The following CHD6 variants were observed in gnomAD, a reference collection of about 807,000 sequenced individuals.
CHD6 encodes the protein chromodomain helicase DNA binding protein 6.
CHD6 carries 50 observed loss-of-function variants against 276.9 expected under a neutral mutation model. The observed-to-expected ratio is 0.18, with a 90% confidence interval of 0.14 to 0.23. The LOEUF (loss-of-function observed/expected upper bound fraction) is 0.23, where lower values mean the gene tolerates loss of function less well. CHD6 is among the 10% of genes least tolerant of loss of function. The probability of loss-of-function intolerance (pLI) is 1.00; values close to 1 mark genes in which losing one functional copy is unlikely to be tolerated. For missense variants in CHD6, 2,564 were observed against 3,365.8 expected (o/e 0.76, Z 5.89); for synonymous variants, 1,173 against 1,229.3 (o/e 0.95, Z 0.96).
In CHD6 at chr20:41,437,265, T is replaced by C; in HGVS notation, c.4068+9A>G. The C allele has an allele frequency of 1.2e-6, 2 of 1,606,964 alleles. No individual in the cohort carries two copies. Among genetic ancestry groups the C allele is most frequent in the Non-Finnish European group, 1.7e-6 (2 of 1,173,518 alleles). On this transcript the variant is annotated intron_variant, in intron 27 of 36. Coordinates refer to ENST00000373233, the MANE Select transcript of CHD6 (RefSeq NM_032221.5). ...GGTGTAAATGACCAATACTGCACAT[T>C]TGACTCACCGTTTGTTTCTGGAGGC...
At chr20:41,485,673 T>C (rs1346403709) in intron 14 of CHD6, 1 of 150,120 alleles carries the variant, frequency 6.7e-6, no homozygotes, top group Non-Finnish European at 1.5e-5. Context: ...ATTAGAGTAG[T>C]GGTTACCAGG....
chr20:41,460,314 A>G (rs979658233), intron 17 of CHD6, among the ~76,000 whole-genome samples: 2 of 152,256 alleles, frequency 1.3e-5, no homozygotes, highest in African/African-American at 4.8e-5. Context: ...GAGAAATTCA[A>G]GCTGGCTACA....
At chr20:41,517,160 T>C (rs931555316) in intron 3 of CHD6, among the ~76,000 whole-genome samples, 6 of 152,122 alleles carry the variant, frequency 3.9e-5, no homozygotes, top group Non-Finnish European at 8.8e-5. Context: ...TGAAAGCTAT[T>C]TGCAAACTAA....
At chr20:41,555,680 C>T (rs1462826171) in intron 1 of CHD6, among the ~76,000 whole-genome samples, 16 of 151,692 alleles carry the variant, frequency 1.1e-4, no homozygotes, top group Admixed American at 6.6e-4. Context: ...GCGCTCCCCA[C>T]ATCTCAGACG....
chr20:41,518,428 A>C (rs969250618), intron 3 of CHD6, among the ~76,000 whole-genome samples: 1 of 152,300 alleles, frequency 6.6e-6, no homozygotes, highest in Middle Eastern at 3.4e-3. Flanking sequence ...ACTTGTGTGC[A>C]TTTTGAGCAA....
intron 26 of CHD6, 69 bp from the exon 27 acceptor site, chr20:41,437,403 G>C: frequency 9.3e-7 from 1 of 1,070,910 alleles, no homozygotes; most frequent in Non-Finnish European, 1.4e-6. Flanking sequence ...CAGTTACCCT[G>C]GTCAACCACA....
rs1283575154 is a variant in CHD6 at position 41,422,023 on chromosome 20, T to A, written c.4612A>T (p.Thr1538Ser). 1 of 1,613,998 alleles carries A rather than the reference T, an allele frequency of 6.2e-7. No individual in the cohort carries two copies. Among genetic ancestry groups the A allele is most frequent in the East Asian group, 2.2e-5 (1 of 44,874 alleles). Residue 1538 changes from threonine (T) to serine (S), a missense_variant, in exon 31 of 37, where the codon ACT (threonine) becomes TCT (serine). Physicochemically the swap from Thr to Ser is moderately conservative, Grantham distance 58. Transcript: ENST00000373233. Reference sequence around the variant, plus strand: ...CGTAACAGTTCAATGCGGTACAGAGTTCTTGCAGCACGTTCCTCAGTGATG... The same window carrying A: ...CGTAACAGTTCAATGCGGTACAGAGATCTTGCAGCACGTTCCTCAGTGATG... The part of the protein sequence containing the change: ...EPITEERAAR[T>S]LYRIELLRKV...
At chr20:41,498,811 A>ATGTATGTATGTGTG (rs1555796111) in intron 6 of CHD6, among the ~76,000 whole-genome samples, 23 of 86,608 alleles carry the variant, frequency 2.7e-4, no homozygotes, top group Admixed American at 3.7e-4. Flanking sequence ...GTATGTATGT[A>ATGTATGTATGTGTG]TGTGTGTGTG....
At position 41,606,336 on chromosome 20, in the gene CHD6, C is replaced by T. The variant is rs62208543; in HGVS notation, c.-24+12004G>A. On this transcript the variant is annotated intron_variant, in intron 1 of 36. Coordinates refer to ENST00000373233, the MANE Select transcript of CHD6 (RefSeq NM_032221.5). ...ACCACCCTGGCTAACACGGTGAAAC[C>T]CCGTCTCTACTAAAAAACAAAAACA... Among the ~76,000 whole-genome samples the T allele has an allele frequency of 5.4e-3, 826 of 152,264 alleles. 2 individuals are homozygous for T. Among genetic ancestry groups the T allele is most frequent in the Middle Eastern group, 0.031 (9 of 294 alleles).
At chr20:41,553,037 A>G (rs2045169239) in intron 1 of CHD6, among the ~76,000 whole-genome samples, 1 of 152,204 alleles carries the variant, frequency 6.6e-6, no homozygotes, top group South Asian at 2.1e-4. Context: ...TTTAGAAAAA[A>G]ATTATCTCCT....
intron 36 of CHD6, 67 bp from the exon 37 acceptor site, chr20:41,405,556 G>T: frequency 7.7e-7 from 1 of 1,291,826 alleles, no homozygotes; most frequent in Non-Finnish European, 1.1e-6. Context: ...TGAGGGTGAT[G>T]ACCAGGGCTC....
intron 17 of CHD6, among the ~76,000 whole-genome samples, chr20:41,464,557 A>G (rs894678714): frequency 1.3e-5 from 2 of 152,352 alleles, no homozygotes; most frequent in East Asian, 3.9e-4. Flanking sequence ...AGAGGAGGAG[A>G]CTATAATGAA....
At chr20:41,466,463 T>C (rs2042923072) in intron 17 of CHD6, among the ~76,000 whole-genome samples, 1 of 152,194 alleles carries the variant, frequency 6.6e-6, no homozygotes, top group South Asian at 2.1e-4. Flanking sequence ...AACAATTCAG[T>C]TGTGTAGTCT....
intron 25 of CHD6, among the ~76,000 whole-genome samples, chr20:41,445,122 G>C (rs1450702861): frequency 6.6e-6 from 1 of 152,140 alleles, no homozygotes. Context: ...TTTTCCAAGT[G>C]TTTAAAAAAC....
At position 41,473,459 on chromosome 20, in the gene CHD6, C is replaced by G; in HGVS notation, c.2527G>C (p.Asp843His). The G allele has an allele frequency of 1.2e-6, 2 of 1,614,050 alleles. No individual in the cohort carries two copies. The highest frequency in any genetic ancestry group is 1.7e-6 in the Non-Finnish European group (2 of 1,179,982). Residue 843 changes from aspartate to histidine, a missense_variant, in exon 17 of 37, where the codon GAC becomes CAC. Coordinates refer to ENST00000373233, the MANE Select transcript of CHD6 (RefSeq NM_032221.5). The surrounding 1 kb of genome is among the most constrained non-coding windows in gnomAD (Gnocchi z 4.1). ...VRGNLRQAAI[D>H]RFCKPDSDRF... The stretch of plus-strand genomic sequence containing the variant: ...TCTGAATCTGGCTTACAGAACCGGT[C>G]GATGGCTGCCTGGCGCAGGTTTCCC...
At chr20:41,608,570 G>T (rs1302160731) in intron 1 of CHD6, among the ~76,000 whole-genome samples, 1 of 152,162 alleles carries the variant, frequency 6.6e-6, no homozygotes, top group Non-Finnish European at 1.5e-5. Flanking sequence ...TAAGGGAAAA[G>T]TCCTATACAG....
chr20:41,470,877 C>T (rs2043037092), intron 17 of CHD6, among the ~76,000 whole-genome samples: 1 of 152,250 alleles, frequency 6.6e-6, no homozygotes, highest in South Asian at 2.1e-4. Context: ...TGAGCTGTTG[C>T]CAGCCCCATG....
chr20:41,431,896 C>T (rs554490502), intron 27 of CHD6, among the ~76,000 whole-genome samples: 4 of 150,996 alleles, frequency 2.6e-5, no homozygotes, highest in East Asian at 3.9e-4. Flanking sequence ...CGGTGGCTCA[C>T]GCCTGTAATC....
At chr20:41,498,035 T>G in intron 7 of CHD6, 133 bp downstream of exon 7, 1 of 654,480 alleles carries the variant, frequency 1.5e-6, no homozygotes, top group South Asian at 1.9e-5. Context: ...AAGGTAAACT[T>G]GAGTCAGCCA....
Sources: allele counts gnomAD v4.1 joint callset (sites outside exome capture counted in the v4.1 genomes callset), GRCh38; gene constraint gnomAD v4.1.1; non-coding constraint Gnocchi (gnomAD v3.1); transcripts MANE v1.5; gene names NCBI Gene and HGNC (gene_info 2026-07-23, HGNC 2026-07-21).